C1orf116: variants seen among roughly 807,000 people sequenced by gnomAD.
The protein encoded by C1orf116 is specifically androgen-regulated gene protein.
Under a neutral mutation model 14.1 loss-of-function variants are expected in C1orf116, and 12 were observed. The observed-to-expected ratio is 0.85, with a 90% CI of 0.54 to 1.38. The LOEUF (loss-of-function observed/expected upper bound fraction) is 1.38. C1orf116 is among the 40% of genes most tolerant of loss of function. The pLI is 0.00. For synonymous variants in C1orf116, 296 were observed against 299.0 expected, an observed-to-expected ratio of 0.99 and a Z score of 0.10; for missense variants, 797 against 747.0, an observed-to-expected ratio of 1.07 and a Z score of -0.78.
Position 207,019,307 on chromosome 1 carries a change from T to C in C1orf116, c.*2651A>G, listed in dbSNP as rs1279222558. The C allele has an allele frequency of 6.6e-6, 1 of 152,274 alleles. No individual in the cohort carries two copies. 9.4% of individuals were successfully genotyped at this position (152,274 alleles called of 1,614,324 possible). The stretch of plus-strand genomic sequence containing the variant: ...GCCAGGCTGGGAGAGGCCACTCCTG[T>C]ATTTGGCAGGTGGCTTGTGCCCAGT... On this transcript the variant is annotated 3_prime_UTR_variant, in exon 4 of 4. Transcript: ENST00000359470.
At position 207,021,937 on chromosome 1, in the gene C1orf116, G is replaced by A. The variant is rs770569984; in HGVS notation, c.*21C>T. The A allele has an allele frequency of 6.6e-7, 1 of 1,514,726 alleles. No homozygotes were observed. The highest frequency in any genetic ancestry group is 8.8e-7 in the Non-Finnish European group (1 of 1,132,374). The allele number at this position is 1,514,726 out of a possible 1,614,324, so 93.8% of individuals were successfully genotyped here. A position where few individuals can be genotyped will look rare whatever the true frequency, so the allele number is the denominator to read the frequency against. Reference sequence around the variant, plus strand: ...GTCTCTTCTTGTTCAGCCAGGACAGGGTCTGTACTGGTCGCAGAGTCTACT... The same window carrying A: ...GTCTCTTCTTGTTCAGCCAGGACAGAGTCTGTACTGGTCGCAGAGTCTACT... On this transcript the variant is annotated 3_prime_UTR_variant, in exon 4 of 4. Coordinates refer to ENST00000359470, the MANE Select transcript of C1orf116 (RefSeq NM_023938.6).
chr1:207,018,727 A>G lies in C1orf116; in HGVS notation c.*3231T>C, dbSNP rs555085083. 1 of 152,290 alleles carries G rather than the reference A, an allele frequency of 6.6e-6. No homozygotes were observed. The highest frequency in any genetic ancestry group is 2.4e-5 in the African/African-American group (1 of 41,550). 9.4% of individuals were successfully genotyped at this position (152,290 alleles called of 1,614,324 possible). ...TGGAGGCTGAATTTGAGCCAGATCTATATGCTCCATCATCACTCTCCTGGG... is the reference window on the plus strand; with the variant it reads ...TGGAGGCTGAATTTGAGCCAGATCTGTATGCTCCATCATCACTCTCCTGGG... On this transcript the variant is annotated 3_prime_UTR_variant, in exon 4 of 4. Coordinates refer to ENST00000359470, the MANE Select transcript of C1orf116 (RefSeq NM_023938.6).
intron 1 of C1orf116, among the ~76,000 whole-genome samples, chr1:207,030,653 G>A (rs1392306937): frequency 6.6e-6 from 1 of 152,204 alleles, no homozygotes; most frequent in East Asian, 1.9e-4. Flanking sequence ...AATGGTGAAA[G>A]CTGCATTTCC....
At position 207,022,207 on chromosome 1, in the gene C1orf116, C is replaced by T. The variant is rs1179489476; in HGVS notation, c.1557G>A (p.Ser519=). Residue 519 remains serine (S), a synonymous_variant, in exon 4 of 4, where the codon TCG becomes TCA. Transcript: ENST00000359470. ...LGKGSFLDKI[S]PSVLRNSRPR... ...GCCGAGAATTACGTAAGACACTGGGCGAGATCTTGTCCAAGAAGGAGCCCT... is the reference window on the plus strand; with the variant it reads ...GCCGAGAATTACGTAAGACACTGGGTGAGATCTTGTCCAAGAAGGAGCCCT... The T allele has an allele frequency of 5.6e-6, 9 of 1,613,896 alleles. No individual in the cohort carries two copies. Among genetic ancestry groups the T allele is most frequent in the Middle Eastern group, 1.6e-4 (1 of 6,084 alleles).
At chr1:207,030,783 G>C (rs1682221097) in intron 1 of C1orf116, among the ~76,000 whole-genome samples, 1 of 152,164 alleles carries the variant, frequency 6.6e-6, no homozygotes, top group South Asian at 2.1e-4. Context: ...CTTAACCCTT[G>C]ACCTCTTTGG....
intron 2 of C1orf116, among the ~76,000 whole-genome samples, chr1:207,027,177 A>G (rs1372633462): frequency 6.6e-6 from 1 of 152,236 alleles, no homozygotes; most frequent in Non-Finnish European, 1.5e-5. Context: ...ATGTGCTACA[A>G]GAATCTATGT....
chr1:207,031,367 T>G (rs1682239720), intron 1 of C1orf116, among the ~76,000 whole-genome samples: 1 of 152,176 alleles, frequency 6.6e-6, no homozygotes, highest in Non-Finnish European at 1.5e-5. Flanking sequence ...CTGCCAGTGG[T>G]CTTTATTCCT....
At chr1:207,032,007 C>A (rs2842731) in intron 1 of C1orf116, among the ~76,000 whole-genome samples, 17,052 of 152,108 alleles carry the variant, frequency 0.11, 3,124 homozygotes, top group African/African-American at 0.38. Flanking sequence ...CCATGTGCCC[C>A]AACCTCATAT....
chr1:207,027,433 G>A, intron 2 of C1orf116, 61 bp downstream of exon 2: 1 of 1,597,872 alleles, frequency 6.3e-7, no homozygotes, highest in Non-Finnish European at 8.6e-7. Context: ...GATAGGGCAG[G>A]GCAGGGCAGG....
intron 3 of C1orf116, among the ~76,000 whole-genome samples, chr1:207,024,655 T>C (rs980946289): frequency 2.6e-5 from 4 of 152,178 alleles, no homozygotes; most frequent in Non-Finnish European, 1.5e-5. Flanking sequence ...CCCTTTCCCT[T>C]CTAGAGCTCT....
intron 1 of C1orf116, among the ~76,000 whole-genome samples, chr1:207,030,946 G>A (rs989914753): frequency 6.6e-6 from 1 of 152,306 alleles, no homozygotes; most frequent in South Asian, 2.1e-4. Context: ...AACAGTTCAA[G>A]TTCTGGCATC....
At chr1:207,025,164 G>A (rs775141567) in intron 2 of C1orf116, 100 bp from the exon 3 acceptor site, 2 of 908,718 alleles carry the variant, frequency 2.2e-6, no homozygotes, top group South Asian at 3.2e-5. Flanking sequence ...CGCTCCCTCC[G>A]CAGAAACTGG....
intron 3 of C1orf116, among the ~76,000 whole-genome samples, chr1:207,024,032 T>C (rs1430547553): frequency 6.6e-6 from 1 of 152,224 alleles, no homozygotes; most frequent in African/African-American, 2.4e-5. Flanking sequence ...TGATTTGCTC[T>C]TGATTCAACC....
In C1orf116 at chr1:207,021,947, G is replaced by C. The variant is rs774895632; in HGVS notation, c.*11C>G. ...GTTCAGCCAGGACAGGGTCTGTACT[G>C]GTCGCAGAGTCTACTCCTTCAACAG... is the stretch of plus-strand genomic sequence containing the variant. On this transcript the variant is annotated 3_prime_UTR_variant, in exon 4 of 4. Coordinates refer to ENST00000359470, the MANE Select transcript of C1orf116 (RefSeq NM_023938.6). 55 of 1,518,106 alleles carry C rather than the reference G, an allele frequency of 3.6e-5. No individual in the cohort carries two copies. The highest frequency in any genetic ancestry group is 4.6e-5 in the Non-Finnish European group (52 of 1,134,354). The allele number at this position is 1,518,106 out of a possible 1,614,324, so 94.0% of individuals were successfully genotyped here.
chr1:207,021,798 G>T lies in C1orf116; in HGVS notation c.*160C>A. 1 of 642,726 alleles carries T rather than the reference G, an allele frequency of 1.6e-6. No homozygotes were observed. The highest frequency in any genetic ancestry group is 2.9e-5 in the East Asian group (1 of 34,318). 39.8% of individuals were successfully genotyped at this position (642,726 alleles called of 1,614,324 possible). A position where few individuals can be genotyped will look rare whatever the true frequency, so the allele number is the denominator to read the frequency against. ...GATCACCTTCAGAATGATCCACATG[G>T]GAACTCAATGGCACAACACTGAATA... On this transcript the variant is annotated 3_prime_UTR_variant, in exon 4 of 4. Coordinates refer to ENST00000359470, the MANE Select transcript of C1orf116 (RefSeq NM_023938.6).
chr1:207,023,979 G>T (rs1205557272), intron 3 of C1orf116, among the ~76,000 whole-genome samples: 2 of 152,142 alleles, frequency 1.3e-5, no homozygotes, highest in African/African-American at 2.4e-5. Flanking sequence ...TAGCTATTTT[G>T]GGCCTCCCAG....
In C1orf116 at chr1:207,027,548, G is replaced by T; in HGVS notation, c.51C>A (p.Thr17=). 1 of 1,613,828 alleles carries T rather than the reference G, an allele frequency of 6.2e-7. No homozygotes were observed. The highest frequency in any genetic ancestry group is 1.1e-5 in the South Asian group (1 of 91,086). ...TCATGCTGTCACAGCTGCCGACACGGGTCACGGGTTCTGAGCCAGTCCCCG... is the reference window on the plus strand; with the variant it reads ...TCATGCTGTCACAGCTGCCGACACGTGTCACGGGTTCTGAGCCAGTCCCCG... The part of the protein sequence containing the change: ...WPAGTGSEPV[T]RVGSCDSMMS... Residue 17 remains threonine, a synonymous_variant, in exon 2 of 4, where the codon ACC becomes ACA. Coordinates refer to ENST00000359470, the MANE Select transcript of C1orf116 (RefSeq NM_023938.6).
Position 207,023,464 on chromosome 1 carries a change from G to T in C1orf116, c.300C>A (p.Thr100=). 1.9e-6 allele frequency: 3 copies of T among 1,611,656 alleles called. No homozygotes were observed. The highest frequency in any genetic ancestry group is 2.5e-6 in the Non-Finnish European group (3 of 1,178,956). Reference sequence around the variant, plus strand: ...TTGGCGTTCGTCCTTGCTGAGTGATGGTCTCCTCTGGACCTCCTGTGAGGG... The same window carrying T: ...TTGGCGTTCGTCCTTGCTGAGTGATTGTCTCCTCTGGACCTCCTGTGAGGG... ...QPTPRGGPEE[T]ITQQGRTPRT... is the part of the protein sequence containing the mutation. The change falls in exon 4 of 4, where the codon ACC becomes ACA. Residue 100 remains threonine, a synonymous_variant. Transcript: ENST00000359470.
Position 207,021,910 on chromosome 1 carries a change from G to A in C1orf116, c.*48C>T. On this transcript the variant is annotated 3_prime_UTR_variant, in exon 4 of 4. Transcript: ENST00000359470. ...TGGCAAAGGCTCCCAAGTGGAGCAT[G>A]TGTCTCTTCTTGTTCAGCCAGGACA... 1 of 1,473,772 alleles carries A rather than the reference G, an allele frequency of 6.8e-7. No individual in the cohort carries two copies. The highest frequency in any genetic ancestry group is 9.0e-7 in the Non-Finnish European group (1 of 1,110,408). 91.3% of individuals were successfully genotyped at this position (1,473,772 alleles called of 1,614,324 possible).
Sources: allele counts gnomAD v4.1 joint callset (sites outside exome capture counted in the v4.1 genomes callset), GRCh38; gene constraint gnomAD v4.1.1; transcripts MANE v1.5; gene names NCBI Gene and HGNC (gene_info 2026-07-23, HGNC 2026-07-21).